PARP8: variants seen among roughly 807,000 people sequenced by gnomAD.
PARP8 encodes the protein protein mono-ADP-ribosyltransferase PARP8.
Under a neutral mutation model 124.1 loss-of-function variants are expected in PARP8, and 51 were observed. The ratio of observed to expected loss-of-function variants is 0.41; its 90% CI spans 0.33 to 0.52. The LOEUF is 0.52. Among genes scored for constraint, PARP8 ranks in the 20% least tolerant of loss-of-function variants. The pLI is 0.21. For synonymous variants in PARP8, 391 were observed against 361.5 expected, an observed-to-expected ratio of 1.08 and a Z score of -0.93; for missense variants, 860 against 1,018.9, an observed-to-expected ratio of 0.84 and a Z score of 2.12.
Position 50,682,744 on chromosome 5 carries a change from G to C in PARP8, c.146+14619G>C, listed in dbSNP as rs564478280. Among the ~76,000 whole-genome samples the C allele has an allele frequency of 3.9e-5, 6 of 152,250 alleles. No individual in the cohort carries two copies. In the South Asian group the frequency reaches 1.2e-3, roughly 32 times the overall value. ...CATAAGTAGTATCCTTATGAGTACT[G>C]AATAGTGAAGATAGGGTACATTTAT... On this transcript the variant is annotated intron_variant, in intron 2 of 25. Transcript: ENST00000281631.
intron 24 of PARP8, among the ~76,000 whole-genome samples, chr5:50,834,276 G>C (rs1230628890): frequency 6.6e-6 from 1 of 152,134 alleles, no homozygotes; most frequent in Non-Finnish European, 1.5e-5. Flanking sequence ...ATTTCTGGCA[G>C]ATATTTCCAG....
chr5:50,804,794 G>A (rs1743640625), intron 14 of PARP8, among the ~76,000 whole-genome samples: 1 of 152,152 alleles, frequency 6.6e-6, no homozygotes, highest in East Asian at 1.9e-4. Flanking sequence ...TCTGATGTTA[G>A]TTCTGTTTAG....
At chr5:50,704,605 G>A (rs1753939514) in intron 2 of PARP8, among the ~76,000 whole-genome samples, 1 of 152,120 alleles carries the variant, frequency 6.6e-6, no homozygotes, top group Non-Finnish European at 1.5e-5. Flanking sequence ...TGCTGTAAGT[G>A]TTAAAGTACA....
At chr5:50,722,812 G>A (rs190653472) in intron 2 of PARP8, among the ~76,000 whole-genome samples, 144 of 152,184 alleles carry the variant, frequency 9.5e-4, no homozygotes, top group African/African-American at 3.3e-3. Flanking sequence ...AATGTGGTGC[G>A]AGTTGTATAC....
At chr5:50,786,531 A>ATT (rs753027033) in intron 9 of PARP8, among the ~76,000 whole-genome samples, 36 of 142,538 alleles carry the variant, frequency 2.5e-4, no homozygotes, top group Admixed American at 1.9e-3. Flanking sequence ...TGCCTGGCTA[A>ATT]TTTTTTTTTT....
chr5:50,836,236 G>T (rs997572308), intron 25 of PARP8, among the ~76,000 whole-genome samples: 1 of 152,122 alleles, frequency 6.6e-6, no homozygotes, highest in Non-Finnish European at 1.5e-5. Flanking sequence ...GCCCGCTTTT[G>T]ATCAGATAGT....
intron 2 of PARP8, among the ~76,000 whole-genome samples, chr5:50,742,893 A>G (rs1403749321): frequency 1.3e-5 from 2 of 152,218 alleles, no homozygotes; most frequent in African/African-American, 2.4e-5. Context: ...GGAGTCGAAG[A>G]TGCTGTGGAG....
intron 3 of PARP8, among the ~76,000 whole-genome samples, chr5:50,754,184 T>C (rs11954392): frequency 0.038 from 2,929 of 76,164 alleles, 230 homozygotes; most frequent in African/African-American, 0.19. Flanking sequence ...CACACACATA[T>C]ATATATATTT....
chr5:50,688,442 A>G (rs949563037), intron 2 of PARP8, among the ~76,000 whole-genome samples: 5 of 152,236 alleles, frequency 3.3e-5, no homozygotes, highest in Non-Finnish European at 5.9e-5. Context: ...CAAGAGATAG[A>G]GATTCACTGG....
chr5:50,724,362 A>T (rs1024186716), intron 2 of PARP8, among the ~76,000 whole-genome samples: 2 of 152,158 alleles, frequency 1.3e-5, no homozygotes, highest in African/African-American at 4.8e-5. Flanking sequence ...TAGCTAATCA[A>T]ATGTGTTGCT....
At position 50,737,486 on chromosome 5, in the gene PARP8, G is replaced by A. The variant is rs1757585251; in HGVS notation, c.147-12665G>A. Among the ~76,000 whole-genome samples, 2 of 152,268 alleles carry A rather than the reference G, an allele frequency of 1.3e-5. 1 individual carries two copies. ...ATGCTGTTTTAAAATGTTTATTTTA[G>A]TTTAGAAAAGCAGCATCCATAAAAT... On this transcript the variant is annotated intron_variant, in intron 2 of 25. Transcript: ENST00000281631.
intron 9 of PARP8, among the ~76,000 whole-genome samples, chr5:50,780,579 ACT>A (rs1278567524): frequency 1.3e-5 from 2 of 152,026 alleles, no homozygotes; most frequent in African/African-American, 4.8e-5. Context: ...ATATTTTAAC[ACT>A]CATTTTAACT....
chr5:50,734,034 A>T lies in PARP8; in HGVS notation c.147-16117A>T, dbSNP rs187388910. Among the ~76,000 whole-genome samples, 445 of 152,354 alleles carry T rather than the reference A, an allele frequency of 2.9e-3. 1 individual carries two copies. Among genetic ancestry groups the T allele is most frequent in the Non-Finnish European group, 4.8e-3 (329 of 68,032 alleles). ...TGAGGAAGATGAATTTAAGTGACAT[A>T]CTTTGTTATGAAAAATACTTTTGGA... On this transcript the variant is annotated intron_variant, in intron 2 of 25. Coordinates refer to ENST00000281631, the MANE Select transcript of PARP8 (RefSeq NM_024615.4).
Position 50,779,037 on chromosome 5 carries a change from T to G in PARP8, c.670+387T>G, listed in dbSNP as rs138025956. 1.8e-3 allele frequency among the ~76,000 whole-genome samples: 272 copies of G among 152,324 alleles called. 1 individual carries two copies. Among genetic ancestry groups the G allele is most frequent in the Non-Finnish European group, 9.4e-4 (64 of 68,036 alleles). ...AAATTCTGTCTTTGAACATGGAGAT[T>G]ATAATAGTGTATTTGTTTGCTGAAT... On this transcript the variant is annotated intron_variant, in intron 9 of 25. Coordinates refer to ENST00000281631, the MANE Select transcript of PARP8 (RefSeq NM_024615.4).
At chr5:50,692,349 G>A (rs2354535) in intron 2 of PARP8, among the ~76,000 whole-genome samples, 2,243 of 152,036 alleles carry the variant, frequency 0.015, 58 homozygotes, top group African/African-American at 0.052. Flanking sequence ...TTCAGTGGAA[G>A]TCTTCCCTAA....
chr5:50,739,084 C>A, intron 2 of PARP8: 3 of 702,436 alleles, frequency 4.3e-6, no homozygotes, highest in Non-Finnish European at 5.2e-6. Context: ...AGACTTCCCA[C>A]AGGTATTGAA....
intron 2 of PARP8, among the ~76,000 whole-genome samples, chr5:50,689,826 C>A (rs1579965387): frequency 6.6e-6 from 1 of 152,168 alleles, no homozygotes; most frequent in East Asian, 1.9e-4. Flanking sequence ...GCATAGGTCC[C>A]ACCATGCACC....
chr5:50,842,702 A>G lies in PARP8; in HGVS notation c.*634A>G, dbSNP rs1748299562. ...ATTCACACGTATGTTTTGACAAGAA[A>G]GATGGCTTAGCTTCACAATTCTATC... On this transcript the variant is annotated 3_prime_UTR_variant, in exon 26 of 26. Coordinates refer to ENST00000281631, the MANE Select transcript of PARP8 (RefSeq NM_024615.4). 1 of 151,792 alleles carries G rather than the reference A, an allele frequency of 6.6e-6. No individual in the cohort carries two copies. Among genetic ancestry groups the G allele is most frequent in the Non-Finnish European group, 1.5e-5 (1 of 67,758 alleles). 9.4% of individuals were successfully genotyped at this position (151,792 alleles called of 1,614,324 possible).
At chr5:50,835,046 CTGTCTTTGCCACAAA>C in intron 25 of PARP8, 31 bp downstream of exon 25, 1 of 1,579,760 alleles carries the variant, frequency 6.3e-7, no homozygotes, top group Non-Finnish European at 8.7e-7. Flanking sequence ...TTGTATATTA[CTGTCTTTGCCACAAA>C]TGGGTTAGTG....
Sources: allele counts gnomAD v4.1 joint callset (sites outside exome capture counted in the v4.1 genomes callset), GRCh38; gene constraint gnomAD v4.1.1; transcripts MANE v1.5; gene names NCBI Gene and HGNC (gene_info 2026-07-23, HGNC 2026-07-21).